CYP21A2: variants seen among roughly 807,000 people sequenced by gnomAD.
CYP21A2 encodes the protein steroid 21-hydroxylase.
CYP21A2 carries 24 observed loss-of-function variants against 47.4 expected under a neutral mutation model. The ratio of observed to expected loss-of-function variants is 0.51; its 90% CI spans 0.37 to 0.71. The LOEUF (loss-of-function observed/expected upper bound fraction) is 0.71, where lower values mean the gene tolerates loss of function less well. Ranked by LOEUF, CYP21A2 falls within the 30% of genes least tolerant of loss-of-function variation. CYP21A2 has a pLI of 0.00. For missense variants in CYP21A2, 358 were observed against 643.2 expected (o/e 0.56, Z 4.80); for synonymous variants, 130 against 273.9 (o/e 0.47, Z 5.19).
At position 32,039,101 on chromosome 6, in the gene CYP21A2, G is replaced by A. The variant is rs886038303; in HGVS notation, c.300G>A (p.Leu100=). 1.9e-6 allele frequency: 3 copies of A among 1,605,580 alleles called. No homozygotes were observed. The highest frequency in any genetic ancestry group is 2.2e-5 in the East Asian group (1 of 44,574). Residue 100 remains leucine, a synonymous_variant, in exon 3 of 10, where the codon CTG becomes CTA. Coordinates refer to ENST00000644719, the MANE Select transcript of CYP21A2 (RefSeq NM_000500.9). ...CCCCACCTCCTCCTGCAGACAAGCT[G>A]GTGTCTAGGAACTACCCGGACCTGT... ...AGRPEPLTYK[L]VSRNYPDLSL...
At position 32,040,871 on chromosome 6, in the gene CYP21A2, C is replaced by T. The variant is rs72552757; in HGVS notation, c.1225C>T (p.Arg409Cys). ...CCCACCTGTCCACCCGCCCGCAGAT[C>T]GCTTCCTGGAGCCAGGCAAGAACTC... ...WERPHEFWPD[R>C]FLEPGKNSRA... The change falls in exon 10 of 10, where the codon CGC becomes TGC. Residue 409 changes from arginine (R) to cysteine (C), a missense_variant and splice_region_variant. Coordinates refer to ENST00000644719, the MANE Select transcript of CYP21A2 (RefSeq NM_000500.9). The T allele has an allele frequency of 1.5e-5, 20 of 1,349,866 alleles. No homozygotes were observed. Among genetic ancestry groups the T allele is most frequent in the African/African-American group, 7.1e-5 (5 of 70,768 alleles). The allele number at this position is 1,349,866 out of a possible 1,614,324, so 83.6% of individuals were successfully genotyped here.
intron 2 of CYP21A2, 101 bp from the exon 3 acceptor site, chr6:32,038,993 T>C: frequency 6.5e-7 from 1 of 1,547,704 alleles, no homozygotes; most frequent in Non-Finnish European, 8.7e-7. Context: ...TGGGGGGGCA[T>C]ATCTGGTGGG....
chr6:32,040,462 C>A lies in CYP21A2; in HGVS notation c.996C>A (p.Ser332Arg). Residue 332 changes from serine to arginine, a missense_variant, in exon 8 of 10, where the codon AGC becomes AGA. Ser to Arg is a moderately radical substitution (Grantham distance 110, BLOSUM62 -1). Coordinates refer to ENST00000644719, the MANE Select transcript of CYP21A2 (RefSeq NM_000500.9). ...ACGAACTGGGCCCTGGTGCCTCCAGCTCCCGGGTCCCCTACAAGGACCGTG... is the reference window on the plus strand; with the variant it reads ...ACGAACTGGGCCCTGGTGCCTCCAGATCCCGGGTCCCCTACAAGGACCGTG... ...LDHELGPGAS[S>R]SRVPYKDRAR... The A allele has an allele frequency of 6.2e-7, 1 of 1,613,204 alleles. No individual in the cohort carries two copies. Among genetic ancestry groups the A allele is most frequent in the Non-Finnish European group, 8.5e-7 (1 of 1,179,768 alleles).
In CYP21A2 at chr6:32,039,841, G is replaced by A; in HGVS notation, c.738+6G>A. 1 of 1,613,276 alleles carries A rather than the reference G, an allele frequency of 6.2e-7. No homozygotes were observed. Among genetic ancestry groups the A allele is most frequent in the Non-Finnish European group, 8.5e-7 (1 of 1,179,656 alleles). ...TGCAGCTGAGGCAGCACAAGGTGGG[G>A]ACTGTACGTGGACGGCCTCCCCTCG... On this transcript the variant is annotated splice_donor_region_variant and intron_variant, in intron 6 of 9. Coordinates refer to ENST00000644719, the MANE Select transcript of CYP21A2 (RefSeq NM_000500.9).
rs1251779066 is a variant in CYP21A2 at position 32,039,095 on chromosome 6, C to T, written c.294C>T (p.Tyr98=). Residue 98 remains tyrosine, a splice_region_variant and synonymous_variant, in exon 3 of 10, where the codon TAC becomes TAT. Transcript: ENST00000644719. ...DFAGRPEPLT[Y]KLVSRNYPDL... Reference sequence around the variant, plus strand: ...TCCAGCCCCCACCTCCTCCTGCAGACAAGCTGGTGTCTAGGAACTACCCGG... The same window carrying T: ...TCCAGCCCCCACCTCCTCCTGCAGATAAGCTGGTGTCTAGGAACTACCCGG... The T allele has an allele frequency of 1.3e-6, 2 of 1,594,390 alleles. No individual in the cohort carries two copies. Among genetic ancestry groups the T allele is most frequent in the African/African-American group, 1.4e-5 (1 of 74,070 alleles).
rs79249676 is a variant in CYP21A2 at position 32,039,014 on chromosome 6, G to A, written c.293-80G>A. ...GGCATATCTGGTGGGGAGAAAGCAGGGGTTGGGGAGGCCGAAGAAGGTCAG... is the reference window on the plus strand; with the variant it reads ...GGCATATCTGGTGGGGAGAAAGCAGAGGTTGGGGAGGCCGAAGAAGGTCAG... On this transcript the variant is annotated intron_variant, in intron 2 of 9. Coordinates refer to ENST00000644719, the MANE Select transcript of CYP21A2 (RefSeq NM_000500.9). The A allele has an allele frequency of 0.02, 31,139 of 1,553,066 alleles. 649 individuals carry two copies. Among genetic ancestry groups the A allele is most frequent in the East Asian group, 0.074 (3,037 of 41,172 alleles).
rs769629885 is a variant in CYP21A2, at chr6:32,038,837, T to C, written c.292+26T>C. The C allele has an allele frequency of 2.2e-5, 32 of 1,459,228 alleles. No homozygotes were observed. In the East Asian group the frequency reaches 2.7e-4, roughly 12 times the overall value. 90.4% of individuals were successfully genotyped at this position (1,459,228 alleles called of 1,614,324 possible). A position where few individuals can be genotyped will look rare whatever the true frequency, so the allele number is the denominator to read the frequency against. Reference sequence around the variant, plus strand: ...GTAAGGGCCGGGGGCATTTTTTCTTTCTTAAAAAAATTTTTTTTTAAGAGA... The same window carrying C: ...GTAAGGGCCGGGGGCATTTTTTCTTCCTTAAAAAAATTTTTTTTTAAGAGA... On this transcript the variant is annotated intron_variant, in intron 2 of 9. Transcript: ENST00000644719.
Position 32,039,267 on chromosome 6 carries a change from G to T in CYP21A2, c.447+19G>T, listed in dbSNP as rs374413209. The T allele has an allele frequency of 1.1e-5, 18 of 1,573,352 alleles. No homozygotes were observed. Among genetic ancestry groups the T allele is most frequent in the East Asian group, 9.4e-5 (4 of 42,564 alleles). On this transcript the variant is annotated intron_variant, in intron 3 of 9. Transcript: ENST00000644719. Reference sequence around the variant, plus strand: ...CTGTGAGGTAAGGCTGGGCTCCTGAGGCCACCTCGGGTCAGCCTCGCCTCT... The same window carrying T: ...CTGTGAGGTAAGGCTGGGCTCCTGATGCCACCTCGGGTCAGCCTCGCCTCT...
intron 3 of CYP21A2, 38 bp downstream of exon 3, chr6:32,039,286 C>G (rs6466): frequency 6.4e-7 from 1 of 1,570,118 alleles, no homozygotes; most frequent in Non-Finnish European, 8.6e-7. Context: ...GGGTCAGCCT[C>G]GCCTCTCACA....
At position 32,041,534 on chromosome 6, in the gene CYP21A2, A is replaced by G. The variant is rs1348042110; in HGVS notation, c.*400A>G. 1 of 1,119,214 alleles carries G rather than the reference A, an allele frequency of 8.9e-7. No individual in the cohort carries two copies. The highest frequency in any genetic ancestry group is 2.0e-5 in the Admixed American group (1 of 50,048). 69.3% of individuals were successfully genotyped at this position (1,119,214 alleles called of 1,614,324 possible). A position where few individuals can be genotyped will look rare whatever the true frequency, so the allele number is the denominator to read the frequency against. On this transcript the variant is annotated 3_prime_UTR_variant, in exon 10 of 10. Transcript: ENST00000644719. ...TCCCCTTAAGGAGGTAGCTCCCAGC[A>G]CTCAACCAACCTCCCCGCAGAGCTC...
At chr6:32,039,718 C>T (rs1296157893) in intron 5 of CYP21A2, 31 bp from the exon 6 acceptor site, 1 of 1,585,422 alleles carries the variant, frequency 6.3e-7, no homozygotes. Context: ...GGCTCCTTCC[C>T]ACAGCTGCAT....
chr6:32,040,194 C>T lies in CYP21A2; in HGVS notation c.928C>T (p.His310Tyr), dbSNP rs1271171290. The change falls in exon 7 of 10, where the codon CAC becomes TAC. Residue 310 changes from histidine (H) to tyrosine (Y), a missense_variant. Transcript: ENST00000644719. Reference sequence around the variant, plus strand: ...CTCCTGGGCCGTGGTTTTTTTGCTTCACCACCCTGAGGTGCGTCCTGGGGA... The same window carrying T: ...CTCCTGGGCCGTGGTTTTTTTGCTTTACCACCCTGAGGTGCGTCCTGGGGA... ...TLSWAVVFLL[H>Y]HPEIQQRLQE... is the part of the protein sequence containing the mutation. The T allele has an allele frequency of 1.9e-6, 3 of 1,612,858 alleles. No individual in the cohort carries two copies. The highest frequency in any genetic ancestry group is 1.1e-5 in the South Asian group (1 of 91,076).
Position 32,041,634 on chromosome 6 carries a change from A to G in CYP21A2, c.*500A>G, listed in dbSNP as rs1776406794. ...CCTTTCCAGCCAATAAATCAACTCC[A>G]GCTCCCTCTGCGAGGCTGGCATGAT... On this transcript the variant is annotated 3_prime_UTR_variant, in exon 10 of 10. Coordinates refer to ENST00000644719, the MANE Select transcript of CYP21A2 (RefSeq NM_000500.9). 5 of 1,100,858 alleles carry G rather than the reference A, an allele frequency of 4.5e-6. No individual in the cohort carries two copies. The highest frequency in any genetic ancestry group is 5.4e-6 in the Non-Finnish European group (4 of 737,020). The allele number at this position is 1,100,858 out of a possible 1,614,324, so 68.2% of individuals were successfully genotyped here.
Position 32,038,768 on chromosome 6 carries a change from C to G in CYP21A2, c.249C>G (p.Val83=), listed in dbSNP as rs1776015056. ...NSKRTIEEAM[V]KKWADFAGRP... ...AGAGGACCATTGAGGAAGCCATGGT[C>G]AAAAAGTGGGCAGACTTTGCTGGCA... is the stretch of plus-strand genomic sequence containing the variant. The change falls in exon 2 of 10, where the codon GTC becomes GTG. Residue 83 remains valine, a synonymous_variant. Coordinates refer to ENST00000644719, the MANE Select transcript of CYP21A2 (RefSeq NM_000500.9). 2.2e-6 allele frequency: 3 copies of G among 1,387,216 alleles called. No individual in the cohort carries two copies. Among genetic ancestry groups the G allele is most frequent in the Non-Finnish European group, 3.0e-6 (3 of 987,838 alleles). The allele number at this position is 1,387,216 out of a possible 1,614,324, so 85.9% of individuals were successfully genotyped here.
intron 2 of CYP21A2, 25 bp from the exon 3 acceptor site, chr6:32,039,062 TCCCACCC>T: frequency 2.6e-6 from 4 of 1,565,796 alleles, no homozygotes; most frequent in African/African-American, 1.4e-5. Flanking sequence ...CTTCATCAGT[TCCCACCC>T]TCCAGCCCCC....
In CYP21A2 at chr6:32,039,012, AG is replaced by A. The variant is rs776101258; in HGVS notation, c.293-78del. Reference sequence around the variant, plus strand: ...GGGGCATATCTGGTGGGGAGAAAGCAGGGGTTGGGGAGGCCGAAGAAGGTCA... The same window carrying A: ...GGGGCATATCTGGTGGGGAGAAAGCAGGGTTGGGGAGGCCGAAGAAGGTCA... On this transcript the variant is annotated intron_variant, in intron 2 of 9. Transcript: ENST00000644719. 20 of 1,552,634 alleles carry A rather than the reference AG, an allele frequency of 1.3e-5. No individual in the cohort carries two copies. In the East Asian group the frequency reaches 4.4e-4, roughly 34 times the overall value.
At chr6:32,038,859 G>T (rs2075561) in intron 2 of CYP21A2, 48 bp downstream of exon 2, 2 of 1,413,466 alleles carry the variant, frequency 1.4e-6, no homozygotes, top group African/African-American at 1.4e-5. Flanking sequence ...TTTTTTTTAA[G>T]AGATGGGTTC....
chr6:32,039,670 C>T (rs779934099), intron 5 of CYP21A2, 23 bp downstream of exon 5: 29 of 1,564,822 alleles, frequency 1.9e-5, no homozygotes, highest in Non-Finnish European at 2.2e-5. Flanking sequence ...AGCCTAGACA[C>T]CCCTGGGTTG....
intron 2 of CYP21A2, 106 bp downstream of exon 2, chr6:32,038,917 C>A: frequency 7.2e-7 from 1 of 1,387,014 alleles, no homozygotes; most frequent in South Asian, 1.2e-5. Flanking sequence ...TCAAATGATC[C>A]TCCCACCTCA....
Sources: gnomAD v4.1 joint callset for allele counts on GRCh38, gnomAD v4.1.1 for gene constraint, MANE v1.5 for transcripts, NCBI Gene and HGNC (gene_info 2026-07-23, HGNC 2026-07-21) for gene names.